The following NRG1 variants were observed in gnomAD, a reference collection of about 807,000 sequenced individuals.
NRG1 encodes the protein pro-neuregulin-1, membrane-bound isoform.
Under a neutral mutation model 63.8 loss-of-function variants are expected in NRG1, and 18 were observed. The ratio of observed to expected loss-of-function variants is 0.28; its 90% CI spans 0.19 to 0.42. NRG1 has a LOEUF of 0.42. NRG1 is among the 10% of genes least tolerant of loss of function. NRG1 has a pLI of 1.00. For synonymous variants in NRG1, 302 were observed against 301.3 expected (o/e 1.00, Z -0.02); for missense variants, 762 against 814.7 (o/e 0.94, Z 0.79).
At chr8:31,900,573 A>G (rs1831989369) in intron 1 of NRG1, among the ~76,000 whole-genome samples, 1 of 152,214 alleles carries the variant, frequency 6.6e-6, no homozygotes, top group South Asian at 2.1e-4. Context: ...AGTCTTTATC[A>G]GCCATGATCA....
At chr8:32,128,201 A>G (rs1834355613) in intron 1 of NRG1, among the ~76,000 whole-genome samples, 1 of 151,878 alleles carries the variant, frequency 6.6e-6, no homozygotes, top group South Asian at 2.1e-4. Flanking sequence ...AGCTGTGCAC[A>G]TGTGTGCTTG....
chr8:31,648,271 CT>C (rs1804493865), intron 1 of NRG1, among the ~76,000 whole-genome samples: 2 of 151,366 alleles, frequency 1.3e-5, no homozygotes, highest in Non-Finnish European at 2.9e-5. Context: ...GTAGCTGGGA[CT>C]ACAGGCGCGC....
At chr8:31,712,044 G>C (rs967105744) in intron 1 of NRG1, among the ~76,000 whole-genome samples, 7 of 151,882 alleles carry the variant, frequency 4.6e-5, no homozygotes, top group African/African-American at 1.7e-4. Flanking sequence ...TACTTTGCCT[G>C]TCTTCTGTAT....
chr8:32,592,265 A>G (rs1308465062), intron 1 of NRG1, among the ~76,000 whole-genome samples: 1 of 152,096 alleles, frequency 6.6e-6, no homozygotes, highest in East Asian at 1.9e-4. Context: ...GCGTAACCAC[A>G]ACGCAGTGCT....
chr8:32,414,439 C>A (rs1333754875), intron 1 of NRG1, among the ~76,000 whole-genome samples: 1 of 152,174 alleles, frequency 6.6e-6, no homozygotes, highest in Non-Finnish European at 1.5e-5. Flanking sequence ...GCATCCTAAA[C>A]ACTAATTTTG....
intron 1 of NRG1, among the ~76,000 whole-genome samples, chr8:32,320,512 A>C (rs1194419285): frequency 6.6e-6 from 1 of 152,190 alleles, no homozygotes; most frequent in Non-Finnish European, 1.5e-5. Context: ...CAGAAGGTGA[A>C]GAGGAAGAAG....
At chr8:31,918,315 T>C (rs569035497) in intron 1 of NRG1, among the ~76,000 whole-genome samples, 1 of 152,316 alleles carries the variant, frequency 6.6e-6, no homozygotes, top group East Asian at 1.9e-4. Context: ...TTTTGCCCAT[T>C]CAGTATGATA....
At chr8:32,027,440 CCTTCCTTCCTTCCTTCCT>C (rs1303327459) in intron 1 of NRG1, among the ~76,000 whole-genome samples, 30 of 127,262 alleles carry the variant, frequency 2.4e-4, no homozygotes, top group Non-Finnish European at 4.8e-4. Flanking sequence ...TTCCTTCCTT[CCTTCCTTCCTTCCTTCCT>C]TCCTTCCTTC....
At chr8:32,319,218 G>A (rs780193831) in intron 1 of NRG1, among the ~76,000 whole-genome samples, 2 of 152,162 alleles carry the variant, frequency 1.3e-5, no homozygotes, top group Non-Finnish European at 2.9e-5. Context: ...AGAAAGGTCT[G>A]GGAGGTTATT....
intron 1 of NRG1, among the ~76,000 whole-genome samples, chr8:32,426,742 C>T (rs1284631823): frequency 1.3e-5 from 2 of 152,174 alleles, no homozygotes; most frequent in East Asian, 1.9e-4. Context: ...TCTCTTTCAA[C>T]CACCTATCAG....
At chr8:31,655,848 C>T (rs1290716726) in intron 1 of NRG1, among the ~76,000 whole-genome samples, 1 of 152,206 alleles carries the variant, frequency 6.6e-6, no homozygotes, top group African/African-American at 2.4e-5. Flanking sequence ...TTAGCCTTGG[C>T]TGTGATGGGG....
intron 1 of NRG1, among the ~76,000 whole-genome samples, chr8:32,473,477 T>C (rs989328964): frequency 6.6e-6 from 1 of 152,266 alleles, no homozygotes; most frequent in Admixed American, 6.5e-5. Flanking sequence ...ATCAGGGCTT[T>C]TCCTATTTCT....
chr8:32,013,068 C>T (rs1815002613), intron 1 of NRG1, among the ~76,000 whole-genome samples: 1 of 152,014 alleles, frequency 6.6e-6, no homozygotes, highest in African/African-American at 2.4e-5. Context: ...AAACTGTCAT[C>T]AGGGAAGAGT....
intron 1 of NRG1, among the ~76,000 whole-genome samples, chr8:32,335,434 G>A (rs1803146427): frequency 6.6e-6 from 1 of 152,150 alleles, no homozygotes; most frequent in Non-Finnish European, 1.5e-5. Flanking sequence ...GCTTTGGGTG[G>A]CAATCCTTCA....
chr8:31,987,368 C>T (rs554910806), intron 1 of NRG1, among the ~76,000 whole-genome samples: 3 of 128,704 alleles, frequency 2.3e-5, no homozygotes, highest in South Asian at 2.4e-4. Context: ...GAAATTATGA[C>T]AGAATTTACC....
rs80189821 is a variant in NRG1 at position 32,764,119 on chromosome 8, C to T, written c.1631C>T (p.Ala544Val). The T allele has an allele frequency of 8.4e-4, 1,359 of 1,614,044 alleles. 4 individuals carry two copies. Among genetic ancestry groups the T allele is most frequent in the South Asian group, 3.2e-3 (293 of 91,084 alleles). Residue 544 changes from alanine (A) to valine (V), a missense_variant, in exon 12 of 12, where the codon GCC becomes GTC. By Grantham distance (64) the Ala-to-Val change is moderately conservative (BLOSUM62 0). This residue lies in a region of NRG1 where 503 missense variants were observed against 506.8 expected (regional missense o/e 0.99). Transcript: ENST00000356819. ...AAGAAACTCGCCAATAGCCGGCGGG[C>T]CAAAAGAACCAAGCCCAATGGCCAC...
At chr8:32,035,986 G>C (rs1818991162) in intron 1 of NRG1, among the ~76,000 whole-genome samples, 1 of 152,116 alleles carries the variant, frequency 6.6e-6, no homozygotes, top group Non-Finnish European at 1.5e-5. Flanking sequence ...ATGCTAGCTG[G>C]TTATTTGCAG....
intron 3 of NRG1, among the ~76,000 whole-genome samples, chr8:32,608,790 G>C (rs1845789935): frequency 6.6e-6 from 1 of 152,040 alleles, no homozygotes; most frequent in East Asian, 1.9e-4. Flanking sequence ...CCTACTTTCA[G>C]ACTCCGCCTC....
intron 5 of NRG1, chr8:32,722,136 A>G (rs1284972190): frequency 6.6e-6 from 7 of 1,068,008 alleles, no homozygotes; most frequent in African/African-American, 1.6e-5. Flanking sequence ...AATGGCGTAG[A>G]GTTATTTGGT....
Sources: allele counts gnomAD v4.1 joint callset (sites outside exome capture counted in the v4.1 genomes callset), GRCh38; gene constraint gnomAD v4.1.1; regional missense constraint gnomAD v4.1.1; transcripts MANE v1.5; gene names NCBI Gene and HGNC (gene_info 2026-07-23, HGNC 2026-07-21).